Variants in CATSPER1 observed in about 807,000 individuals in gnomAD.
The protein encoded by CATSPER1 is cation channel sperm-associated protein 1.
CATSPER1 carries 57 observed loss-of-function variants against 72.7 expected under a neutral mutation model. The ratio of observed to expected loss-of-function variants is 0.78; its 90% CI spans 0.63 to 0.98. The LOEUF (loss-of-function observed/expected upper bound fraction) is 0.98. Ranked by LOEUF, CATSPER1 falls within the 50% of genes least tolerant of loss-of-function variation. CATSPER1 has a pLI of 0.00. For synonymous variants in CATSPER1, 363 were observed against 403.0 expected, an observed-to-expected ratio of 0.90 and a Z score of 1.19; for missense variants, 910 against 1,033.9, an observed-to-expected ratio of 0.88 and a Z score of 1.64.
chr11:66,020,269 C>G lies in CATSPER1; in HGVS notation c.2064+48G>C. The G allele has an allele frequency of 6.2e-7, 1 of 1,613,976 alleles. No individual in the cohort carries two copies. On this transcript the variant is annotated intron_variant, in intron 8 of 11. Transcript: ENST00000312106. The surrounding 1 kb of genome is among the most constrained non-coding windows in gnomAD (Gnocchi z 4.5). The stretch of plus-strand genomic sequence containing the variant: ...TCAACCCTGGAGGCCCCTGGCCTCA[C>G]TCCTCCAGCTTCCTGATCTGGTCCA...
intron 10 of CATSPER1, among the ~76,000 whole-genome samples, chr11:66,018,601 A>C (rs1193960941): frequency 1.3e-5 from 2 of 152,170 alleles, no homozygotes; most frequent in African/African-American, 4.8e-5. Flanking sequence ...GGGGTGAAGG[A>C]ATGGGTGGCA....
chr11:66,022,110 C>T (rs888838986), intron 2 of CATSPER1, among the ~76,000 whole-genome samples: 9 of 152,116 alleles, frequency 5.9e-5, no homozygotes, highest in Non-Finnish European at 7.4e-5. Context: ...GAGGTTGAGG[C>T]GGGCGCATCA....
At chr11:66,017,014 C>T in intron 11 of CATSPER1, 46 bp downstream of exon 11, 1 of 1,612,566 alleles carries the variant, frequency 6.2e-7, no homozygotes. Flanking sequence ...GCTACAAGCC[C>T]CTGGGGTTCC....
chr11:66,018,932 A>G (rs767664166), intron 9 of CATSPER1, 30 bp from the exon 10 acceptor site: 4 of 1,587,434 alleles, frequency 2.5e-6, no homozygotes, highest in African/African-American at 2.7e-5. Context: ...GGTGAGGTCA[A>G]GGCCTGGATT....
chr11:66,023,133 G>A, intron 1 of CATSPER1, 72 bp from the exon 2 acceptor site: 2 of 1,411,988 alleles, frequency 1.4e-6, no homozygotes, highest in Non-Finnish European at 2.0e-6. Flanking sequence ...CCCCCAGCCT[G>A]GCTCAGCGTC....
chr11:66,020,640 GGCCAGAGGGCACA>G lies in CATSPER1; in HGVS notation c.1928-26_1928-14del. 1 of 1,610,736 alleles carries G rather than the reference GGCCAGAGGGCACA, an allele frequency of 6.2e-7. No homozygotes were observed. The highest frequency in any genetic ancestry group is 8.5e-7 in the Non-Finnish European group (1 of 1,178,108). On this transcript the variant is annotated splice_polypyrimidine_tract_variant and intron_variant, in intron 6 of 11. Transcript: ENST00000312106. The surrounding 1 kb of genome is among the most constrained non-coding windows in gnomAD (Gnocchi z 4.5). ...ATGTACCAGGCGCCTAGGGGGAGCAGGCCAGAGGGCACAGTCAGGCTGTGCTCGCCACCCCCAA... is the reference window on the plus strand; with the variant it reads ...ATGTACCAGGCGCCTAGGGGGAGCAGGTCAGGCTGTGCTCGCCACCCCCAA...
At chr11:66,018,737 C>T in intron 10 of CATSPER1, 90 bp downstream of exon 10, 2 of 1,359,632 alleles carry the variant, frequency 1.5e-6, no homozygotes, top group Non-Finnish European at 2.1e-6. Context: ...TCTAGAGGGG[C>T]AGGCAATGTC....
In CATSPER1 at chr11:66,026,305, A is replaced by G; in HGVS notation, c.75T>C (p.Ser25=). 1.2e-6 allele frequency: 2 copies of G among 1,614,208 alleles called. No individual in the cohort carries two copies. Among genetic ancestry groups the G allele is most frequent in the Non-Finnish European group, 1.7e-6 (2 of 1,180,026 alleles). ...GCCTGTGGTGTGGGGGTGATGAGTGAGAGCGAAAGAACCTATCTGCGTTAT... is the reference window on the plus strand; with the variant it reads ...GCCTGTGGTGTGGGGGTGATGAGTGGGAGCGAAAGAACCTATCTGCGTTAT... ...DTNNADRFFR[S]HSSPPHHRPG... The change falls in exon 1 of 12, where the codon TCT becomes TCC. Residue 25 remains serine, a synonymous_variant. Coordinates refer to ENST00000312106, the MANE Select transcript of CATSPER1 (RefSeq NM_053054.4).
Position 66,017,194 on chromosome 11 carries a change from T to TGGGGGGGGGGCC in CATSPER1, c.2202-21_2202-20insGGCCCCCCCCCC. 2 of 550,276 alleles carry TGGGGGGGGGGCC rather than the reference T, an allele frequency of 3.6e-6. No individual in the cohort carries two copies. The highest frequency in any genetic ancestry group is 6.8e-6 in the Non-Finnish European group (2 of 295,848). The allele number at this position is 550,276 out of a possible 1,614,324, so 34.1% of individuals were successfully genotyped here. ...TGCTGCCTGCGGGTGGGCGGGGGGG[T>TGGGGGGGGGGCC]CGCAGAGACAGGGGCTGGGCTGACC... is the stretch of plus-strand genomic sequence containing the variant. On this transcript the variant is annotated intron_variant, in intron 10 of 11. Coordinates refer to ENST00000312106, the MANE Select transcript of CATSPER1 (RefSeq NM_053054.4).
At chr11:66,022,298 G>A (rs1856391273) in intron 2 of CATSPER1, among the ~76,000 whole-genome samples, 2 of 152,190 alleles carry the variant, frequency 1.3e-5, no homozygotes, top group Non-Finnish European at 2.9e-5. Flanking sequence ...TCGCGCCACT[G>A]CACTCCAGCC....
Position 66,025,188 on chromosome 11 carries a change from C to G in CATSPER1, c.1192G>C (p.Glu398Gln). The G allele has an allele frequency of 6.2e-7, 1 of 1,614,184 alleles. No homozygotes were observed. Among genetic ancestry groups the G allele is most frequent in the South Asian group, 1.1e-5 (1 of 91,074 alleles). ...TKHSEDWGKE[E>Q]GQFQKRKTGR... is the part of the protein sequence containing the mutation. ...CTTTTGCGTTTCTGAAATTGCCCTT[C>G]TTCTTTGCCCCAGTCTTCTGAATGT... Residue 398 changes from glutamate to glutamine, a missense_variant, in exon 1 of 12, where the codon GAA becomes CAA. By Grantham distance (29) the Glu-to-Gln change is conservative. Transcript: ENST00000312106.
Position 66,026,053 on chromosome 11 carries a change from A to G in CATSPER1, c.327T>C (p.Arg109=), listed in dbSNP as rs761137079. ...APSQGAVPSH[R]SYGEDYHDEL... Reference sequence around the variant, plus strand: ...CATCATGGTAGTCCTCACCGTAGGAACGGTGGGAGGGGACGGCGCCTTGAG... The same window carrying G: ...CATCATGGTAGTCCTCACCGTAGGAGCGGTGGGAGGGGACGGCGCCTTGAG... The change falls in exon 1 of 12, where the codon CGT becomes CGC. Residue 109 remains arginine, a synonymous_variant. Coordinates refer to ENST00000312106, the MANE Select transcript of CATSPER1 (RefSeq NM_053054.4). 5 of 1,613,754 alleles carry G rather than the reference A, an allele frequency of 3.1e-6. No homozygotes were observed. The African/African-American group carries it at 6.7e-5, about 22-fold the overall frequency.
Position 66,021,766 on chromosome 11 carries a change from C to G in CATSPER1, c.1543G>C (p.Asp515His), listed in dbSNP as rs1856376759. The change falls in exon 3 of 12, where the codon GAC becomes CAC. Residue 515 changes from aspartate to histidine, a missense_variant and splice_region_variant. Asp to His is a moderately conservative substitution (Grantham distance 81). Transcript: ENST00000312106. Reference sequence around the variant, plus strand: ...GCAGCCTGGCCCCGGCCGCACCCACCCAAATTGTTCCAGAAGTCAAAGAAG... The same window carrying G: ...GCAGCCTGGCCCCGGCCGCACCCACGCAAATTGTTCCAGAAGTCAAAGAAG... ...SYFFDFWNNL[D>H]FFIMAMAVLD... is the part of the protein sequence containing the mutation. The G allele has an allele frequency of 1.2e-6, 2 of 1,613,946 alleles. No individual in the cohort carries two copies. The highest frequency in any genetic ancestry group is 2.2e-5 in the South Asian group (2 of 91,092).
chr11:66,021,524 T>G lies in CATSPER1; in HGVS notation c.1663A>C (p.Arg555=). Residue 555 remains arginine (R), a synonymous_variant, in exon 4 of 12, where the codon AGG becomes CGG. Transcript: ENST00000312106. ...LKVFKSLRAL[R]AIRVLRRLSF... ...AGCCTCCGCAGGACCCGGATTGCCC[T>G]CAGGGCCCGCAGGCTCTTGAAGACC... is the stretch of plus-strand genomic sequence containing the variant. The G allele has an allele frequency of 6.2e-7, 1 of 1,613,814 alleles. No individual in the cohort carries two copies. The highest frequency in any genetic ancestry group is 8.5e-7 in the Non-Finnish European group (1 of 1,180,020).
intron 9 of CATSPER1, among the ~76,000 whole-genome samples, chr11:66,019,572 C>T (rs1268542419): frequency 4.6e-5 from 7 of 151,948 alleles, no homozygotes; most frequent in East Asian, 3.9e-4. Flanking sequence ...CCACCATGCC[C>T]GGCCCCAGGT....
At chr11:66,019,635 A>G (rs1856311884) in intron 9 of CATSPER1, among the ~76,000 whole-genome samples, 1 of 151,936 alleles carries the variant, frequency 6.6e-6, no homozygotes, top group Admixed American at 6.5e-5. Flanking sequence ...CACACCTGCA[A>G]TCTCAGCACT....
intron 9 of CATSPER1, among the ~76,000 whole-genome samples, 185 bp from the exon 10 acceptor site, chr11:66,019,087 T>A (rs1856300241): frequency 6.6e-6 from 1 of 152,038 alleles, no homozygotes; most frequent in South Asian, 2.1e-4. Flanking sequence ...ACCCCACTTC[T>A]GGAAGAAGTG....
In CATSPER1 at chr11:66,021,621, G is replaced by A. The variant is rs184633777; in HGVS notation, c.1566C>T (p.Ala522=). 13 of 1,608,268 alleles carry A rather than the reference G, an allele frequency of 8.1e-6. No homozygotes were observed. In the African/African-American group the frequency reaches 9.3e-5, roughly 12 times the overall value. ...NNLDFFIMAM[A]VLDFLLMQTH... The stretch of plus-strand genomic sequence containing the variant: ...TCTGCATCAGCAAGAAGTCCAGCAC[G>A]GCCATGGCCATAATGAAGAAGTCTG... Residue 522 remains alanine (A), a synonymous_variant, in exon 4 of 12, where the codon GCC becomes GCT. Transcript: ENST00000312106.
Position 66,020,635 on chromosome 11 carries a change from G to C in CATSPER1, c.1928-8C>G, listed in dbSNP as rs973981724. Reference sequence around the variant, plus strand: ...GAATGATGTACCAGGCGCCTAGGGGGAGCAGGCCAGAGGGCACAGTCAGGC... The same window carrying C: ...GAATGATGTACCAGGCGCCTAGGGGCAGCAGGCCAGAGGGCACAGTCAGGC... On this transcript the variant is annotated splice_polypyrimidine_tract_variant and splice_region_variant and intron_variant, in intron 6 of 11. Coordinates refer to ENST00000312106, the MANE Select transcript of CATSPER1 (RefSeq NM_053054.4). This position sits in a 1 kb window ranked among gnomAD's most constrained non-coding sequence, Gnocchi z 4.5. 1.2e-6 allele frequency: 2 copies of C among 1,611,086 alleles called. No individual in the cohort carries two copies. Among genetic ancestry groups the C allele is most frequent in the South Asian group, 2.2e-5 (2 of 90,536 alleles).
Sources: gnomAD v4.1 joint callset for allele counts (sites outside exome capture counted in the v4.1 genomes callset) on GRCh38, gnomAD v4.1.1 for gene constraint, Gnocchi (gnomAD v3.1) non-coding constraint, MANE v1.5 for transcripts, NCBI Gene and HGNC (gene_info 2026-07-23, HGNC 2026-07-21) for gene names.